Variants in ACACB observed in about 807,000 individuals in gnomAD.
ACACB encodes acetyl-CoA carboxylase beta.
In ACACB, 209 loss-of-function variants were observed where a neutral mutation model predicts 278.8. That is an observed-to-expected ratio of 0.75 (90% CI 0.67 to 0.84). ACACB has a LOEUF of 0.84. Among genes scored for constraint, ACACB ranks in the 40% least tolerant of loss-of-function variants. The pLI is 0.00. For missense variants in ACACB, 2,850 were observed against 3,269.0 expected, an observed-to-expected ratio of 0.87 and a Z score of 3.13; for synonymous variants, 1,174 against 1,285.6, an observed-to-expected ratio of 0.91 and a Z score of 1.86.
intron 12 of ACACB, among the ~76,000 whole-genome samples, chr12:109,186,211 A>G (rs930262555): frequency 1.3e-5 from 2 of 152,128 alleles, no homozygotes; most frequent in Admixed American, 1.3e-4. Flanking sequence ...GATTACAGGC[A>G]TGAGCCACCA....
At chr12:109,148,668 C>T (rs1331951940) in intron 2 of ACACB, among the ~76,000 whole-genome samples, 1 of 152,036 alleles carries the variant, frequency 6.6e-6, no homozygotes, top group Admixed American at 6.6e-5. Context: ...TTCCAAGTTC[C>T]AAAACATATC....
chr12:109,242,822 C>T (rs928754867), intron 37 of ACACB, among the ~76,000 whole-genome samples: 3 of 152,098 alleles, frequency 2.0e-5, no homozygotes, highest in South Asian at 2.1e-4. Flanking sequence ...AAAAATTAAC[C>T]GGGCGTGGTG....
chr12:109,176,399 T>A, intron 9 of ACACB, 136 bp downstream of exon 9: 1 of 814,132 alleles, frequency 1.2e-6, no homozygotes, highest in East Asian at 2.5e-5. Flanking sequence ...TGTATCGTAT[T>A]TTGCAACAAA....
At chr12:109,117,188 C>T (rs1430078120) in intron 1 of ACACB, among the ~76,000 whole-genome samples, 9 of 150,910 alleles carry the variant, frequency 6.0e-5, no homozygotes, top group African/African-American at 2.2e-4. Context: ...GGCGAAACCC[C>T]ATCTGTACTA....
chr12:109,127,755 C>T lies in ACACB; in HGVS notation c.-10+11051C>T, dbSNP rs961072250. On this transcript the variant is annotated intron_variant, in intron 1 of 52. Transcript: ENST00000338432. ...AGGGAGCATGGTGTGTCACCAGTGC[C>T]GTCAAGCACAGTTGCAGGGGAAGGC... Among the ~76,000 whole-genome samples, 9 of 152,262 alleles carry T rather than the reference C, an allele frequency of 5.9e-5. No individual in the cohort carries two copies. The South Asian group carries it at 8.3e-4, about 14-fold the overall frequency.
intron 16 of ACACB, 101 bp from the exon 17 acceptor site, chr12:109,196,907 C>G (rs2045151379): frequency 3.0e-6 from 4 of 1,342,232 alleles, no homozygotes; most frequent in Non-Finnish European, 3.9e-6. Context: ...TCTTGGCCCT[C>G]TGTGGTGGAC....
intron 2 of ACACB, among the ~76,000 whole-genome samples, chr12:109,161,436 G>C (rs571536329): frequency 6.6e-6 from 1 of 152,020 alleles, no homozygotes; most frequent in Non-Finnish European, 1.5e-5. Flanking sequence ...CTAGTTGCTC[G>C]GGAGGCTGAG....
At chr12:109,229,912 T>C (rs1420429676) in intron 28 of ACACB, among the ~76,000 whole-genome samples, 2 of 152,216 alleles carry the variant, frequency 1.3e-5, no homozygotes, top group South Asian at 2.1e-4. Context: ...AAAGTATTAA[T>C]ACCATTTAGG....
chr12:109,166,847 T>C lies in ACACB; in HGVS notation c.654-14T>C. The C allele has an allele frequency of 6.2e-7, 1 of 1,613,896 alleles. No individual in the cohort carries two copies. On this transcript the variant is annotated splice_polypyrimidine_tract_variant and intron_variant, in intron 2 of 52. Coordinates refer to ENST00000338432, the MANE Select transcript of ACACB (RefSeq NM_001093.4). The stretch of plus-strand genomic sequence containing the variant: ...TTCCCTCATGCACGTCTGTCCCTCA[T>C]TCTTATTCTGCAGGCCGAGCATGTC...
Position 109,168,015 on chromosome 12 carries a change from G to A in ACACB, c.906G>A (p.Glu302=), listed in dbSNP as rs147825347. The change falls in exon 4 of 53, where the codon GAG becomes GAA. Residue 302 remains glutamate, a synonymous_variant. Coordinates refer to ENST00000338432, the MANE Select transcript of ACACB (RefSeq NM_001093.4). ...GGTTTGTTGTGATGGTGACCCCCGA[G>A]GACCTTAAGGCCAACGCAGGTACCT... is the stretch of plus-strand genomic sequence containing the variant. ...AIRFVVMVTP[E]DLKANAEYIK... 2.5e-6 allele frequency: 4 copies of A among 1,612,392 alleles called. No individual in the cohort carries two copies. Among genetic ancestry groups the A allele is most frequent in the South Asian group, 1.1e-5 (1 of 90,912 alleles).
intron 44 of ACACB, 70 bp downstream of exon 44, chr12:109,254,404 CTT>C: frequency 6.9e-7 from 1 of 1,455,180 alleles, no homozygotes; most frequent in Non-Finnish European, 9.1e-7. Context: ...CAAAGGAGCA[CTT>C]TGTCTCAAGC....
At chr12:109,138,416 G>A (rs939701079) in intron 1 of ACACB, among the ~76,000 whole-genome samples, 2 of 152,132 alleles carry the variant, frequency 1.3e-5, no homozygotes, top group Non-Finnish European at 2.9e-5. Context: ...TATGCTAGTT[G>A]TAAGCATACC....
intron 48 of ACACB, among the ~76,000 whole-genome samples, chr12:109,260,997 C>T (rs2047362014): frequency 6.6e-6 from 1 of 152,164 alleles, no homozygotes; most frequent in Non-Finnish European, 1.5e-5. Context: ...CCTTACTCTC[C>T]TGGTAGGTGG....
intron 28 of ACACB, 40 bp downstream of exon 28, chr12:109,227,529 G>T: frequency 6.3e-7 from 1 of 1,587,106 alleles, no homozygotes; most frequent in Non-Finnish European, 8.6e-7. Context: ...CTGTGTTTCT[G>T]TTCTTCCTGA....
intron 4 of ACACB, among the ~76,000 whole-genome samples, chr12:109,168,811 G>A (rs1378567843): frequency 6.6e-6 from 1 of 151,786 alleles, no homozygotes; most frequent in African/African-American, 2.4e-5. Context: ...AACAGACTGA[G>A]ACTCTGTCTC....
rs772701854 is a variant in ACACB at position 109,249,995 on chromosome 12, C to T, written c.5681C>T (p.Thr1894Met). The T allele has an allele frequency of 2.3e-5, 37 of 1,612,382 alleles. No homozygotes were observed. The highest frequency in any genetic ancestry group is 4.5e-5 in the East Asian group (2 of 44,780). ...GCTTGCTTTTGAAGATACATGATCA[C>T]GGATATCATCGGGAAGGATGATGGC... Reference protein sequence around the residue: ...EEGGESRYMITDIIGKDDGLG... With the variant: ...EEGGESRYMIMDIIGKDDGLG... The change falls in exon 41 of 53, where the codon ACG becomes ATG. Residue 1894 changes from threonine (T) to methionine (M), a missense_variant. Physicochemically the swap from Thr to Met is moderately conservative, Grantham distance 81. Around this residue, in one of 3 missense-constraint regions of ACACB, gnomAD observed 2,265 missense variants for 2,561.3 expected, o/e 0.88. Transcript: ENST00000338432.
chr12:109,206,428 C>CAAAAAAA (rs35315851), intron 19 of ACACB, among the ~76,000 whole-genome samples: 6 of 89,756 alleles, frequency 6.7e-5, no homozygotes, highest in African/African-American at 3.1e-4. Context: ...GCGAGTGTCT[C>CAAAAAAA]AAAAAAAAAA....
intron 2 of ACACB, chr12:109,154,720 C>G (rs1219454955): frequency 6.6e-6 from 1 of 152,490 alleles, no homozygotes; most frequent in East Asian, 1.9e-4. Context: ...GTTGGGCGCC[C>G]GCCGGCTGCA....
At chr12:109,266,105 C>A in intron 52 of ACACB, 131 bp from the exon 53 acceptor site, 4 of 1,169,464 alleles carry the variant, frequency 3.4e-6, no homozygotes, top group Non-Finnish European at 4.7e-6. Flanking sequence ...CCATCACCCC[C>A]ATGGGGACCA....
Sources: gnomAD v4.1 joint callset for allele counts (sites outside exome capture counted in the v4.1 genomes callset) on GRCh38, gnomAD v4.1.1 for gene constraint, gnomAD v4.1.1 regional missense constraint, MANE v1.5 for transcripts, NCBI Gene and HGNC (gene_info 2026-07-23, HGNC 2026-07-21) for gene names.